Variants in CDH13 observed in about 807,000 individuals in gnomAD.
CDH13 encodes the protein cadherin-13.
In CDH13, 24 loss-of-function variants were observed where a neutral mutation model predicts 63.8. That is an observed-to-expected ratio of 0.38 (90% CI 0.27 to 0.53). The LOEUF (loss-of-function observed/expected upper bound fraction) is 0.53, where lower values mean the gene tolerates loss of function less well. CDH13 is among the 20% of genes least tolerant of loss of function. CDH13 has a pLI of 0.85. For synonymous variants in CDH13, 503 were observed against 355.3 expected, an observed-to-expected ratio of 1.42 and a Z score of -4.67; for missense variants, 1,049 against 903.1, an observed-to-expected ratio of 1.16 and a Z score of -2.07.
intron 3 of CDH13, among the ~76,000 whole-genome samples, chr16:83,037,277 A>G (rs964901197): frequency 1.3e-5 from 2 of 152,160 alleles, no homozygotes; most frequent in Non-Finnish European, 2.9e-5. Flanking sequence ...CCCTTCCTGC[A>G]GATATGGGAA....
intron 4 of CDH13, among the ~76,000 whole-genome samples, chr16:83,127,254 C>T (rs545972965): frequency 1.6e-4 from 24 of 152,276 alleles, no homozygotes; most frequent in Admixed American, 3.3e-4. Context: ...GGGGTTTCAT[C>T]GTGCATGCAG....
intron 3 of CDH13, among the ~76,000 whole-genome samples, chr16:83,090,568 C>T (rs949596709): frequency 9.9e-5 from 10 of 101,450 alleles, no homozygotes; most frequent in South Asian, 3.5e-4. Flanking sequence ...AGCGAAACTG[C>T]ATCTCAAAAA....
In CDH13 at chr16:82,894,792, A is replaced by G. The variant is rs569367669; in HGVS notation, c.157+36319A>G. Among the ~76,000 whole-genome samples the G allele has an allele frequency of 2.6e-5, 4 of 152,330 alleles. No individual in the cohort carries two copies. In the South Asian group the frequency reaches 6.2e-4, roughly 24 times the overall value. Reference sequence around the variant, plus strand: ...CTTCCCAGCAGGGCATTTGAGGGAGACAGAAATAAAATGAGAGGCAAGTGA... The same window carrying G: ...CTTCCCAGCAGGGCATTTGAGGGAGGCAGAAATAAAATGAGAGGCAAGTGA... On this transcript the variant is annotated intron_variant, in intron 2 of 13. Transcript: ENST00000567109.
chr16:83,417,318 C>G (rs181153132), intron 6 of CDH13, among the ~76,000 whole-genome samples: 1 of 152,262 alleles, frequency 6.6e-6, no homozygotes, highest in African/African-American at 2.4e-5. Context: ...TCCCCTTTCC[C>G]CAAGATTACC....
chr16:82,656,739 C>A (rs1911339412), intron 1 of CDH13, among the ~76,000 whole-genome samples: 1 of 152,126 alleles, frequency 6.6e-6, no homozygotes, highest in African/African-American at 2.4e-5. Context: ...ATTTGCCTAC[C>A]CACTCCCTTC....
At chr16:83,648,123 G>A (rs1912011506) in intron 8 of CDH13, among the ~76,000 whole-genome samples, 1 of 152,128 alleles carries the variant, frequency 6.6e-6, no homozygotes, top group Admixed American at 6.5e-5. Context: ...CAAAGCAGGA[G>A]TTAAGGGAAA....
intron 7 of CDH13, among the ~76,000 whole-genome samples, chr16:83,493,118 T>C (rs763539947): frequency 8.3e-4 from 126 of 152,158 alleles, no homozygotes; most frequent in Non-Finnish European, 1.5e-3. Context: ...CCCAATCTCA[T>C]TGGCTTATTG....
chr16:83,543,129 T>C (rs748454586), intron 7 of CDH13, among the ~76,000 whole-genome samples: 10 of 152,254 alleles, frequency 6.6e-5, no homozygotes, highest in Non-Finnish European at 1.3e-4. Flanking sequence ...ATGTTTTAAG[T>C]AACTATAGGT....
intron 3 of CDH13, among the ~76,000 whole-genome samples, chr16:83,068,707 G>A (rs2032213497): frequency 6.6e-6 from 1 of 152,150 alleles, no homozygotes; most frequent in Non-Finnish European, 1.5e-5. Flanking sequence ...GAAGAATTCA[G>A]CAGGCAGTTG....
Position 83,379,938 on chromosome 16 carries a change from T to TATATAGAGAG in CDH13, c.781+34933_781+34934insTATAGAGAGA. On this transcript the variant is annotated intron_variant, in intron 6 of 13. Transcript: ENST00000567109. ...GTGTGTGTATATATATATATATATATAGAGAGAGAGAGAGAGAGAGAGAGA... is the reference window on the plus strand; with the variant it reads ...GTGTGTGTATATATATATATATATATATATAGAGAGAGAGAGAGAGAGAGAGAGAGAGAGA... 1.8e-3 allele frequency among the ~76,000 whole-genome samples: 228 copies of TATATAGAGAG among 123,454 alleles called. 1 individual carries two copies. The highest frequency in any genetic ancestry group is 6.9e-3 in the African/African-American group (211 of 30,730). The allele number at this position is 123,454 out of a possible 152,430, so 81.0% of individuals were successfully genotyped here. A position where few individuals can be genotyped will look rare whatever the true frequency, so the allele number is the denominator to read the frequency against.
chr16:83,231,154 T>C (rs771167565), intron 5 of CDH13, among the ~76,000 whole-genome samples: 8 of 152,166 alleles, frequency 5.3e-5, no homozygotes, highest in Non-Finnish European at 8.8e-5. Context: ...CACGGCCCCA[T>C]TTTTGTAATA....
At position 82,639,755 on chromosome 16, in the gene CDH13, C is replaced by T. The variant is rs144246408; in HGVS notation, c.45+12618C>T. 3.8e-3 allele frequency among the ~76,000 whole-genome samples: 586 copies of T among 152,254 alleles called. 4 individuals are homozygous for T. The highest frequency in any genetic ancestry group is 0.012 in the African/African-American group (508 of 41,544). On this transcript the variant is annotated intron_variant, in intron 1 of 13. Transcript: ENST00000567109. ...TGAGGGTTGCCATTGATTGAGCAAACATGTGTTGAGTGCTTATTATGTACC... is the reference window on the plus strand; with the variant it reads ...TGAGGGTTGCCATTGATTGAGCAAATATGTGTTGAGTGCTTATTATGTACC...
At chr16:83,359,560 G>A (rs1458464759) in intron 6 of CDH13, among the ~76,000 whole-genome samples, 3 of 152,122 alleles carry the variant, frequency 2.0e-5, no homozygotes, top group Admixed American at 2.0e-4. Flanking sequence ...GTTAATTTGA[G>A]CCTCTATTTC....
chr16:83,508,340 C>T (rs1598183253), intron 7 of CDH13: 1 of 154,604 alleles, frequency 6.5e-6, no homozygotes, highest in Admixed American at 6.5e-5. Context: ...TTTGCGTTGC[C>T]CCATGGCTGC....
At chr16:83,633,671 G>A (rs1910981543) in intron 8 of CDH13, among the ~76,000 whole-genome samples, 2 of 152,160 alleles carry the variant, frequency 1.3e-5, no homozygotes, top group East Asian at 1.9e-4. Context: ...TTGGCTTCCA[G>A]GAAGACGCAC....
At chr16:82,667,553 AAGGAAGCCCTTGGCAAGGG>A (rs11275806) in intron 1 of CDH13, among the ~76,000 whole-genome samples, 4,070 of 152,214 alleles carry the variant, frequency 0.027, 125 homozygotes, top group African/African-American at 0.084. Flanking sequence ...CCGAGTTAAG[AAGGAAGCCCTTGGCAAGGG>A]CGGAGAGGCT....
chr16:82,889,906 T>C (rs939075498), intron 2 of CDH13, among the ~76,000 whole-genome samples: 1 of 152,262 alleles, frequency 6.6e-6, no homozygotes, highest in African/African-American at 2.4e-5. Context: ...GAGTATAGAC[T>C]CTTCTTTGGA....
At chr16:82,976,633 T>A (rs1909548506) in intron 2 of CDH13, among the ~76,000 whole-genome samples, 1 of 152,146 alleles carries the variant, frequency 6.6e-6, no homozygotes, top group South Asian at 2.1e-4. Context: ...AGATTGAGAC[T>A]TGCTTGCAGA....
At position 82,981,896 on chromosome 16, in the gene CDH13, T is replaced by C. The variant is rs114271016; in HGVS notation, c.158-50114T>C. The stretch of plus-strand genomic sequence containing the variant: ...CTGCAGCTTCGAACACTGTTGACTT[T>C]CTTCCTTTCCTACCCCAGCCTTGAA... On this transcript the variant is annotated intron_variant, in intron 2 of 13. Coordinates refer to ENST00000567109, the MANE Select transcript of CDH13 (RefSeq NM_001257.5). Among the ~76,000 whole-genome samples, 959 of 152,288 alleles carry C rather than the reference T, an allele frequency of 6.3e-3. 11 individuals carry two copies. Among genetic ancestry groups the C allele is most frequent in the African/African-American group, 0.022 (915 of 41,570 alleles).
Sources: gnomAD v4.1 joint callset for allele counts (sites outside exome capture counted in the v4.1 genomes callset) on GRCh38, gnomAD v4.1.1 for gene constraint, MANE v1.5 for transcripts, NCBI Gene and HGNC (gene_info 2026-07-23, HGNC 2026-07-21) for gene names.